The following VAPA variants were observed in gnomAD, a reference collection of about 807,000 sequenced individuals.
VAPA encodes the protein VAMP associated protein A.
In VAPA, 6 loss-of-function variants were observed where a neutral mutation model predicts 25.6. The ratio of observed to expected loss-of-function variants is 0.23; its 90% CI spans 0.13 to 0.46. VAPA has a LOEUF of 0.46. VAPA is among the 20% of genes least tolerant of loss of function. The probability of loss-of-function intolerance (pLI) is 0.99; values close to 1 mark genes in which losing one functional copy is unlikely to be tolerated. For synonymous variants in VAPA, 112 were observed against 106.2 expected (o/e 1.05, Z -0.34); for missense variants, 244 against 302.1 (o/e 0.81, Z 1.43).
intron 1 of VAPA, among the ~76,000 whole-genome samples, chr18:9,918,458 A>G (rs1202826664): frequency 6.6e-6 from 1 of 151,948 alleles, no homozygotes; most frequent in East Asian, 1.9e-4. Context: ...TGCTAACTTA[A>G]TCATTTCCAG....
intron 2 of VAPA, among the ~76,000 whole-genome samples, chr18:9,933,944 G>C (rs1221476539): frequency 6.6e-6 from 1 of 152,156 alleles, no homozygotes; most frequent in African/African-American, 2.4e-5. Flanking sequence ...TTTCTTTGAG[G>C]GGCCTAGATT....
At chr18:9,947,938 G>C (rs2069443009) in intron 4 of VAPA, 2 of 151,934 alleles carry the variant, frequency 1.3e-5, no homozygotes. Flanking sequence ...ATATGTATAT[G>C]TAAATAAATT....
At chr18:9,948,157 C>CA (rs1383413714) in intron 4 of VAPA, 1 of 151,966 alleles carries the variant, frequency 6.6e-6, no homozygotes, top group African/African-American at 2.4e-5. Flanking sequence ...AATTCAACAA[C>CA]AAAAAAATCT....
At chr18:9,925,017 A>T (rs781300935) in intron 1 of VAPA, 2 of 152,130 alleles carry the variant, frequency 1.3e-5, no homozygotes, top group Non-Finnish European at 2.9e-5. Flanking sequence ...TGTAAAGGTG[A>T]TGGATGAGTA....
At chr18:9,933,781 A>G (rs753258608) in intron 2 of VAPA, among the ~76,000 whole-genome samples, 1 of 152,168 alleles carries the variant, frequency 6.6e-6, no homozygotes, top group Non-Finnish European at 1.5e-5. Flanking sequence ...CAAGTGATCC[A>G]TCTACCTTAG....
intron 1 of VAPA, chr18:9,915,756 A>C (rs1445107980): frequency 6.6e-6 from 1 of 152,274 alleles, no homozygotes; most frequent in Non-Finnish European, 1.5e-5. Flanking sequence ...GCATAACTAC[A>C]TTGCAAGCTT....
chr18:9,936,397 T>A, intron 3 of VAPA, 184 bp downstream of exon 3: 1 of 427,686 alleles, frequency 2.3e-6, no homozygotes, highest in Non-Finnish European at 4.2e-6. Flanking sequence ...AATAGTATTT[T>A]TTTTTAGAAA....
At chr18:9,953,611 T>G (rs1053994820) in intron 5 of VAPA, among the ~76,000 whole-genome samples, 1 of 152,192 alleles carries the variant, frequency 6.6e-6, no homozygotes, top group African/African-American at 2.4e-5. Context: ...GGGTAGTTTT[T>G]GGCTGATTGG....
chr18:9,950,687 GC>G, intron 5 of VAPA, 119 bp downstream of exon 5: 6 of 1,040,698 alleles, frequency 5.8e-6, no homozygotes, highest in Non-Finnish European at 6.8e-6. Context: ...TTTCTTCTTT[GC>G]CCCAGTGCCT....
chr18:9,951,176 G>C (rs572364413), intron 5 of VAPA: 1 of 152,334 alleles, frequency 6.6e-6, no homozygotes, highest in South Asian at 2.1e-4. Context: ...TTGTATTTGC[G>C]TGGGGCAGCA....
intron 4 of VAPA, 107 bp from the exon 5 acceptor site, chr18:9,950,288 T>C (rs1710887234): frequency 6.3e-6 from 8 of 1,273,928 alleles, no homozygotes; most frequent in African/African-American, 1.5e-5. Context: ...TTTAGGCCTT[T>C]TAAAGAGTTT....
intron 1 of VAPA, among the ~76,000 whole-genome samples, chr18:9,928,245 C>T (rs2143323706): frequency 6.6e-6 from 1 of 152,204 alleles, no homozygotes; most frequent in South Asian, 2.1e-4. Flanking sequence ...AACTGCTTTT[C>T]ACTGTTTTTT....
In VAPA at chr18:9,954,258, C is replaced by T; in HGVS notation, c.*47C>T. ...TTTCTTTTTTTTTTTTTCTCTTGAC[C>T]AGAAAAAGATTTGTTTACCTACCAT... is the stretch of plus-strand genomic sequence containing the variant. On this transcript the variant is annotated 3_prime_UTR_variant, in exon 6 of 6. Transcript: ENST00000400000. 6.6e-7 allele frequency: 1 copy of T among 1,521,502 alleles called. No homozygotes were observed. The highest frequency in any genetic ancestry group is 8.9e-7 in the Non-Finnish European group (1 of 1,127,450). The allele number at this position is 1,521,502 out of a possible 1,614,324, so 94.3% of individuals were successfully genotyped here.
At chr18:9,932,366 A>T (rs2143342903) in intron 2 of VAPA, among the ~76,000 whole-genome samples, 1 of 152,308 alleles carries the variant, frequency 6.6e-6, no homozygotes, top group East Asian at 1.9e-4. Context: ...GTGCAATGCC[A>T]CTTTTTTGCC....
rs1011975897 is a variant in VAPA, at chr18:9,956,491, A to G, written c.*2280A>G. 6.6e-6 allele frequency: 1 copy of G among 152,594 alleles called. No homozygotes were observed. Among genetic ancestry groups the G allele is most frequent in the East Asian group, 1.9e-4 (1 of 5,194 alleles). 9.5% of individuals were successfully genotyped at this position (152,594 alleles called of 1,614,324 possible). A position where few individuals can be genotyped will look rare whatever the true frequency, so the allele number is the denominator to read the frequency against. ...GGCATTTTATAAAATGCATTATGCC[A>G]TGGTTGCTTTTGAGATAGATTGTAG... On this transcript the variant is annotated 3_prime_UTR_variant, in exon 6 of 6. Coordinates refer to ENST00000400000, the MANE Select transcript of VAPA (RefSeq NM_194434.3).
chr18:9,932,008 T>TTTATGA, intron 2 of VAPA, 46 bp downstream of exon 2: 1 of 1,396,344 alleles, frequency 7.2e-7, no homozygotes, highest in Non-Finnish European at 9.9e-7. Flanking sequence ...ATTTTGACCT[T>TTTATGA]TTATGATTAT....
In VAPA at chr18:9,921,186, T is replaced by C. The variant is rs57138114; in HGVS notation, c.79+6851T>C. Among the ~76,000 whole-genome samples the C allele has an allele frequency of 2.5e-3, 379 of 152,372 alleles. 1 individual carries two copies. Among genetic ancestry groups the C allele is most frequent in the African/African-American group, 8.7e-3 (363 of 41,590 alleles). ...CTCCAGTAATTTTTATTTTTTGGTC[T>C]TGGATCTTGACTCAGTTGGAGTTTT... On this transcript the variant is annotated intron_variant, in intron 1 of 5. Coordinates refer to ENST00000400000, the MANE Select transcript of VAPA (RefSeq NM_194434.3).
chr18:9,938,414 C>G (rs977740464), intron 4 of VAPA, among the ~76,000 whole-genome samples: 1 of 152,080 alleles, frequency 6.6e-6, no homozygotes, highest in African/African-American at 2.4e-5. Flanking sequence ...GGGAATGATA[C>G]GGCAATGACA....
chr18:9,936,839 CAA>C, intron 3 of VAPA, 145 bp from the exon 4 acceptor site: 2 of 597,288 alleles, frequency 3.3e-6, no homozygotes, highest in South Asian at 4.5e-5. Context: ...TAGCCGATAA[CAA>C]TGGCAGGGTG....
Sources: gnomAD v4.1 joint callset for allele counts (sites outside exome capture counted in the v4.1 genomes callset) on GRCh38, gnomAD v4.1.1 for gene constraint, MANE v1.5 for transcripts, NCBI Gene and HGNC (gene_info 2026-07-23, HGNC 2026-07-21) for gene names.